PFKL: variants seen among roughly 807,000 people sequenced by gnomAD.
PFKL encodes the protein ATP-dependent 6-phosphofructokinase, liver type.
PFKL carries 74 observed loss-of-function variants against 92.1 expected under a neutral mutation model. The ratio of observed to expected loss-of-function variants is 0.80; its 90% CI spans 0.67 to 0.97. The LOEUF (loss-of-function observed/expected upper bound fraction) is 0.97. Among genes scored for constraint, PFKL ranks in the 50% least tolerant of loss-of-function variants. The pLI is 0.00. For missense variants in PFKL, 1,028 were observed against 1,116.6 expected (o/e 0.92, Z 1.13); for synonymous variants, 494 against 456.4 (o/e 1.08, Z -1.05).
chr21:44,301,869 C>T (rs1449177709), intron 1 of PFKL, among the ~76,000 whole-genome samples: 1 of 152,138 alleles, frequency 6.6e-6, no homozygotes, highest in Non-Finnish European at 1.5e-5. Context: ...GCACGTGCCC[C>T]CCCCACCCCC....
In PFKL at chr21:44,319,371, C is replaced by T. The variant is rs764616518; in HGVS notation, c.1083C>T (p.Ala361=). The change falls in exon 11 of 22, where the codon GCC becomes GCT. Residue 361 remains alanine, a synonymous_variant. Coordinates refer to ENST00000349048, the MANE Select transcript of PFKL (RefSeq NM_002626.6). ...TTAAGACCAAGGAAGTGCAGAAAGC[C>T]ATGGATGACAAGAGGTTTGACGAGG... ...CVQMTKEVQK[A]MDDKRFDEAT... The T allele has an allele frequency of 5.0e-6, 8 of 1,613,652 alleles. No homozygotes were observed. The East Asian group carries it at 1.3e-4, about 27-fold the overall frequency.
chr21:44,312,881 C>G (rs2047087499), intron 4 of PFKL, 97 bp from the exon 5 acceptor site: 1 of 1,369,022 alleles, frequency 7.3e-7, no homozygotes, highest in Non-Finnish European at 1.0e-6. Flanking sequence ...GGCTGCACGC[C>G]TGGGATGCGG....
intron 1 of PFKL, chr21:44,305,965 C>T (rs1414579949): frequency 5.2e-6 from 7 of 1,344,200 alleles, no homozygotes; most frequent in African/African-American, 1.5e-5. Context: ...TGGGGCAGGG[C>T]AGTGCTGTTC....
chr21:44,326,998 C>A lies in PFKL; in HGVS notation c.*136C>A. 1 of 797,310 alleles carries A rather than the reference C, an allele frequency of 1.3e-6. No homozygotes were observed. Among genetic ancestry groups the A allele is most frequent in the Non-Finnish European group, 2.0e-6 (1 of 503,460 alleles). The allele number at this position is 797,310 out of a possible 1,614,324, so 49.4% of individuals were successfully genotyped here. On this transcript the variant is annotated 3_prime_UTR_variant, in exon 22 of 22. Coordinates refer to ENST00000349048, the MANE Select transcript of PFKL (RefSeq NM_002626.6). Reference sequence around the variant, plus strand: ...CGTCCCTGCTCAGCCCATCCCCTGCCTCTATCCCTGGCCACCTGCCAGGCC... The same window carrying A: ...CGTCCCTGCTCAGCCCATCCCCTGCATCTATCCCTGGCCACCTGCCAGGCC...
At chr21:44,321,699 C>T (rs772738785) in intron 12 of PFKL, 30 bp from the exon 13 acceptor site, 4 of 1,518,728 alleles carry the variant, frequency 2.6e-6, no homozygotes, top group Non-Finnish European at 3.5e-6. Flanking sequence ...CCCGGCTGTG[C>T]CTCACGCTCA....
At position 44,307,809 on chromosome 21, in the gene PFKL, T is replaced by C. The variant is rs188898307; in HGVS notation, c.159+1055T>C. Among the ~76,000 whole-genome samples, 145 of 152,332 alleles carry C rather than the reference T, an allele frequency of 9.5e-4. 1 individual carries two copies. The highest frequency in any genetic ancestry group is 1.5e-4 in the Non-Finnish European group (10 of 68,020). The stretch of plus-strand genomic sequence containing the variant: ...GGGGGCCTCTCTAGGCAGGCTGGGC[T>C]GTGTCCGTACAAACCCCTCCTGCCA... On this transcript the variant is annotated intron_variant, in intron 2 of 21. Coordinates refer to ENST00000349048, the MANE Select transcript of PFKL (RefSeq NM_002626.6).
At chr21:44,306,550 C>A in intron 1 of PFKL, 131 bp from the exon 2 acceptor site, 76 of 682,430 alleles carry the variant, frequency 1.1e-4, no homozygotes, top group Middle Eastern at 8.5e-4. Context: ...CCAGGGCCTT[C>A]CCCCACCACC....
intron 12 of PFKL, 132 bp downstream of exon 12, chr21:44,320,279 AGGGTGGG>A: frequency 1.4e-6 from 1 of 714,098 alleles, no homozygotes; most frequent in Non-Finnish European, 2.3e-6. Flanking sequence ...GTGAGCTGGG[AGGGTGGG>A]CCTGACCTCT....
rs1253273486 is a variant in PFKL at position 44,315,998 on chromosome 21, C to G, written c.748-246C>G. ...GAGGGCCCCCTTCCTCCCCTGCTGC[C>G]CTTCCCAGGCTTTCGGGCAGAGCCC... On this transcript the variant is annotated intron_variant, in intron 7 of 21. Coordinates refer to ENST00000349048, the MANE Select transcript of PFKL (RefSeq NM_002626.6). 3 of 542,376 alleles carry G rather than the reference C, an allele frequency of 5.5e-6. No homozygotes were observed. In the East Asian group the frequency reaches 9.5e-5, roughly 17 times the overall value. 33.6% of individuals were successfully genotyped at this position (542,376 alleles called of 1,614,324 possible).
At chr21:44,310,180 G>A (rs1378854943) in intron 2 of PFKL, among the ~76,000 whole-genome samples, 1 of 152,246 alleles carries the variant, frequency 6.6e-6, no homozygotes, top group Non-Finnish European at 1.5e-5. Flanking sequence ...GTGAAATGCA[G>A]TCATGAGTGT....
At chr21:44,322,604 G>A (rs1017247561) in intron 14 of PFKL, among the ~76,000 whole-genome samples, 7 of 152,252 alleles carry the variant, frequency 4.6e-5, no homozygotes, top group Non-Finnish European at 1.0e-4. Context: ...TACAGGGGAA[G>A]TTGCTGAGTC....
chr21:44,316,335 A>G lies in PFKL; in HGVS notation c.839A>G (p.Lys280Arg), dbSNP rs1176017622. The G allele has an allele frequency of 6.2e-7, 1 of 1,612,994 alleles. No homozygotes were observed. The highest frequency in any genetic ancestry group is 8.5e-7 in the Non-Finnish European group (1 of 1,179,814). The part of the protein sequence containing the change: ...NGKPISSSYV[K>R]DLVVQRLGFD... ...AAGCCCATCTCGTCCAGCTACGTGA[A>G]GGACGTGCGTGTGGGCCTGGGGGTG... The change falls in exon 8 of 22, where the codon AAG becomes AGG. Residue 280 changes from lysine (K) to arginine (R), a missense_variant. Lys to Arg is a conservative substitution (Grantham distance 26). Transcript: ENST00000349048.
At position 44,327,216 on chromosome 21, in the gene PFKL, C is replaced by G. The variant is rs952509131; in HGVS notation, c.*354C>G. On this transcript the variant is annotated 3_prime_UTR_variant, in exon 22 of 22. Coordinates refer to ENST00000349048, the MANE Select transcript of PFKL (RefSeq NM_002626.6). ...GGCTCACTACATGGGCCAGCCCTTG[C>G]TCTACCTGGCCGGTAGGCTGCTGGC... is the stretch of plus-strand genomic sequence containing the variant. 4.3e-5 allele frequency: 13 copies of G among 304,478 alleles called. No homozygotes were observed. The highest frequency in any genetic ancestry group is 2.1e-3 in the Middle Eastern group (2 of 970). 18.9% of individuals were successfully genotyped at this position (304,478 alleles called of 1,614,324 possible). A position where few individuals can be genotyped will look rare whatever the true frequency, so the allele number is the denominator to read the frequency against.
intron 9 of PFKL, among the ~76,000 whole-genome samples, chr21:44,317,669 C>T (rs1286528840): frequency 6.6e-6 from 1 of 152,208 alleles, no homozygotes; most frequent in Non-Finnish European, 1.5e-5. Flanking sequence ...TCTTGTGCTC[C>T]CTGAGCCCGT....
rs763899897 is a variant in PFKL, at chr21:44,325,978, C to G, written c.2007C>G (p.Pro669=). 3.1e-6 allele frequency: 5 copies of G among 1,613,692 alleles called. No individual in the cohort carries two copies. Among genetic ancestry groups the G allele is most frequent in the African/African-American group, 2.7e-5 (2 of 75,082 alleles). The change falls in exon 20 of 22, where the codon CCC becomes CCG. Residue 669 remains proline, a synonymous_variant. Coordinates refer to ENST00000349048, the MANE Select transcript of PFKL (RefSeq NM_002626.6). ...GHLQQGGAPT[P]FDRNYGTKLG... ...GTTTCCAGGGTGGCGCTCCAACCCC[C>G]TTTGACCGGAACTATGGGACCAAGC...
Position 44,316,228 on chromosome 21 carries a change from C to G in PFKL, c.748-16C>G. Reference sequence around the variant, plus strand: ...TCCCTGCCTGGCAGCTGAGCCCTGTCGTGTCTTTGACCCAGACTCGGAGCC... The same window carrying G: ...TCCCTGCCTGGCAGCTGAGCCCTGTGGTGTCTTTGACCCAGACTCGGAGCC... On this transcript the variant is annotated splice_polypyrimidine_tract_variant and intron_variant, in intron 7 of 21. Coordinates refer to ENST00000349048, the MANE Select transcript of PFKL (RefSeq NM_002626.6). 6.2e-7 allele frequency: 1 copy of G among 1,611,270 alleles called. No homozygotes were observed. The highest frequency in any genetic ancestry group is 1.1e-5 in the South Asian group (1 of 91,018).
intron 1 of PFKL, chr21:44,305,703 A>G: frequency 3.3e-6 from 4 of 1,202,848 alleles, no homozygotes; most frequent in Non-Finnish European, 3.3e-6. Context: ...GAAGTCATGG[A>G]TATCTTTTGA....
intron 9 of PFKL, among the ~76,000 whole-genome samples, chr21:44,317,391 G>A (rs1034589432): frequency 1.3e-5 from 2 of 152,204 alleles, no homozygotes; most frequent in African/African-American, 2.4e-5. Context: ...GAGGGGCCCC[G>A]CCGACCTAGC....
intron 3 of PFKL, 22 bp downstream of exon 3, chr21:44,311,105 G>T (rs755215040): frequency 6.3e-6 from 10 of 1,599,598 alleles, no homozygotes; most frequent in Non-Finnish European, 8.6e-6. Context: ...GAACGCGGAT[G>T]CATGTTGCAC....
Sources: gnomAD v4.1 joint callset for allele counts (sites outside exome capture counted in the v4.1 genomes callset) on GRCh38, gnomAD v4.1.1 for gene constraint, MANE v1.5 for transcripts, NCBI Gene and HGNC (gene_info 2026-07-23, HGNC 2026-07-21) for gene names.